The following BTRC variants were observed in gnomAD, a reference collection of about 807,000 sequenced individuals.
BTRC encodes beta-transducin repeat containing E3 ubiquitin protein ligase.
A neutral mutation model predicts 85.5 loss-of-function variants in BTRC; 42 were observed. The observed-to-expected ratio is 0.49, with a 90% CI of 0.38 to 0.64. The LOEUF (loss-of-function observed/expected upper bound fraction) is 0.64, where lower values mean the gene tolerates loss of function less well. Among genes scored for constraint, BTRC ranks in the 30% least tolerant of loss-of-function variants. BTRC has a pLI of 0.00. For missense variants in BTRC, 594 were observed against 743.5 expected (o/e 0.80, Z 2.34); for synonymous variants, 255 against 263.3 (o/e 0.97, Z 0.30).
At position 101,554,421 on chromosome 10, in the gene BTRC, G is replaced by GTTGTT. The variant is rs540534687; in HGVS notation, c.*1312_*1316dup. On this transcript the variant is annotated 3_prime_UTR_variant, in exon 15 of 15. Transcript: ENST00000370187. Reference sequence around the variant, plus strand: ...AGAAAACACTGTTTTTGTTTTTTTTGTTGTTTTGTTTTGTTTTGGCCAGTT... The same window carrying GTTGTT: ...AGAAAACACTGTTTTTGTTTTTTTTGTTGTTTTGTTTTGTTTTGTTTTGGCCAGTT... 2 of 152,288 alleles carry GTTGTT rather than the reference G, an allele frequency of 1.3e-5. No individual in the cohort carries two copies. Among genetic ancestry groups the GTTGTT allele is most frequent in the African/African-American group, 4.8e-5 (2 of 41,374 alleles). 9.4% of individuals were successfully genotyped at this position (152,288 alleles called of 1,614,324 possible).
At chr10:101,436,366 C>T (rs575088333) in intron 2 of BTRC, among the ~76,000 whole-genome samples, 4 of 151,988 alleles carry the variant, frequency 2.6e-5, no homozygotes, top group Non-Finnish European at 4.4e-5. Context: ...AGTAAGGGGC[C>T]GGGCACGGTG....
intron 4 of BTRC, among the ~76,000 whole-genome samples, chr10:101,500,672 T>C (rs1946378454): frequency 1.3e-5 from 2 of 152,324 alleles, no homozygotes; most frequent in South Asian, 4.1e-4. Flanking sequence ...CAGATCCTAG[T>C]GTCAGCCATG....
intron 2 of BTRC, among the ~76,000 whole-genome samples, chr10:101,432,514 G>A (rs1398217476): frequency 6.6e-6 from 1 of 152,012 alleles, no homozygotes; most frequent in African/African-American, 2.4e-5. Flanking sequence ...TTTTTGTTTT[G>A]TTTTGTTTTT....
Position 101,553,243 on chromosome 10 carries a change from G to A in BTRC, c.*120G>A, listed in dbSNP as rs2062679332. 1 of 152,660 alleles carries A rather than the reference G, an allele frequency of 6.6e-6. No homozygotes were observed. The highest frequency in any genetic ancestry group is 2.4e-5 in the African/African-American group (1 of 41,454). The allele number at this position is 152,660 out of a possible 1,614,324, so 9.5% of individuals were successfully genotyped here. A position where few individuals can be genotyped will look rare whatever the true frequency, so the allele number is the denominator to read the frequency against. ...ATCAAACTACTGCCCAGTTTCCCTG[G>A]ACTAGCCGAGGAGCAGGGCTTTGAG... On this transcript the variant is annotated 3_prime_UTR_variant, in exon 15 of 15. Transcript: ENST00000370187.
chr10:101,533,414 T>C lies in BTRC; in HGVS notation c.1097+344T>C, dbSNP rs74153252. The stretch of plus-strand genomic sequence containing the variant: ...GCAATGAAGCCTTCCTTTCAGGTAG[T>C]GGTAACTGTAGTGCAGGTCTGTATT... On this transcript the variant is annotated intron_variant, in intron 9 of 14. Coordinates refer to ENST00000370187, the MANE Select transcript of BTRC (RefSeq NM_033637.4). Among the ~76,000 whole-genome samples, 718 of 152,232 alleles carry C rather than the reference T, an allele frequency of 4.7e-3. 10 individuals are homozygous for C. Among genetic ancestry groups the C allele is most frequent in the African/African-American group, 0.016 (684 of 41,536 alleles).
At chr10:101,427,327 A>G (rs1341864791) in intron 1 of BTRC, among the ~76,000 whole-genome samples, 1 of 151,874 alleles carries the variant, frequency 6.6e-6, no homozygotes, top group African/African-American at 2.4e-5. Flanking sequence ...CGTGTTGGCC[A>G]GGATGGTCTT....
At chr10:101,459,780 C>T (rs1356169539) in intron 2 of BTRC, among the ~76,000 whole-genome samples, 1 of 152,076 alleles carries the variant, frequency 6.6e-6, no homozygotes, top group Non-Finnish European at 1.5e-5. Context: ...GGTTATCCAT[C>T]TAAATCTGAT....
chr10:101,400,461 A>C (rs1278595062), intron 1 of BTRC, among the ~76,000 whole-genome samples: 1 of 152,222 alleles, frequency 6.6e-6, no homozygotes, highest in Non-Finnish European at 1.5e-5. Context: ...CCTTAAGAAG[A>C]AAGCTCCAGA....
rs1462542413 is a variant in BTRC at position 101,434,475 on chromosome 10, A to G, written c.156+4023A>G. Reference sequence around the variant, plus strand: ...TAGACCTAAATCGGAGTTAACATGTATAAAACTAATAGAAAATGTGGCAAA... The same window carrying G: ...TAGACCTAAATCGGAGTTAACATGTGTAAAACTAATAGAAAATGTGGCAAA... On this transcript the variant is annotated intron_variant, in intron 2 of 14. Transcript: ENST00000370187. Among the ~76,000 whole-genome samples the G allele has an allele frequency of 7.2e-5, 11 of 152,334 alleles. No homozygotes were observed. In the East Asian group the frequency reaches 2.1e-3, roughly 29 times the overall value.
intron 4 of BTRC, among the ~76,000 whole-genome samples, chr10:101,480,200 T>A (rs992691217): frequency 1.3e-5 from 2 of 152,220 alleles, no homozygotes; most frequent in Non-Finnish European, 2.9e-5. Context: ...GATTTGCTAC[T>A]GTTACAACAT....
chr10:101,488,293 T>C (rs75204036), intron 4 of BTRC, among the ~76,000 whole-genome samples: 8,720 of 152,284 alleles, frequency 0.057, 292 homozygotes, highest in Non-Finnish European at 0.074. Flanking sequence ...TTCCTGATTC[T>C]GTTTATTAGA....
chr10:101,396,629 C>G (rs1213936804), intron 1 of BTRC, among the ~76,000 whole-genome samples: 1 of 151,986 alleles, frequency 6.6e-6, no homozygotes, highest in East Asian at 1.9e-4. Flanking sequence ...TGGACACTTT[C>G]TCATAGCTCA....
chr10:101,372,337 A>G (rs1430244294), intron 1 of BTRC, among the ~76,000 whole-genome samples: 2 of 150,686 alleles, frequency 1.3e-5, no homozygotes. Flanking sequence ...GCTCACTGCA[A>G]CATCTGCCTC....
rs188035701 is a variant in BTRC at position 101,384,782 on chromosome 10, A to G, written c.48+30554A>G. 3.2e-4 allele frequency among the ~76,000 whole-genome samples: 48 copies of G among 152,344 alleles called. 1 individual carries two copies. The highest frequency in any genetic ancestry group is 5.9e-4 in the Admixed American group (9 of 15,304). ...TTTTTCTTATTGAGAAGTAAAATAC[A>G]TTGTAGTTAAAAATTGAGACCTTTG... On this transcript the variant is annotated intron_variant, in intron 1 of 14. Coordinates refer to ENST00000370187, the MANE Select transcript of BTRC (RefSeq NM_033637.4).
At chr10:101,485,298 A>G (rs1326331470) in intron 4 of BTRC, among the ~76,000 whole-genome samples, 2 of 152,274 alleles carry the variant, frequency 1.3e-5, no homozygotes, top group Non-Finnish European at 2.9e-5. Flanking sequence ...ATTGTTAAAC[A>G]TACAAGAAAA....
intron 1 of BTRC, among the ~76,000 whole-genome samples, chr10:101,389,115 GTGTGTTTTTTTTTTTTTTTT>G (rs1943163319): frequency 5.6e-5 from 2 of 35,462 alleles, no homozygotes; most frequent in Non-Finnish European, 9.9e-5. Flanking sequence ...GATTTTTTGT[GTGTGTTTTTTTTTTTTTTTT>G]TTTTTTTTTT....
chr10:101,379,697 A>G (rs1470184348), intron 1 of BTRC, among the ~76,000 whole-genome samples: 3 of 152,126 alleles, frequency 2.0e-5, no homozygotes, highest in Non-Finnish European at 4.4e-5. Context: ...ATGGCCTGTT[A>G]CAGTCTCTGT....
chr10:101,507,137 C>G (rs1332641052), intron 4 of BTRC, among the ~76,000 whole-genome samples: 1 of 152,170 alleles, frequency 6.6e-6, no homozygotes, highest in Non-Finnish European at 1.5e-5. Context: ...TTCCCCAAGT[C>G]TGTATCACTG....
intron 4 of BTRC, among the ~76,000 whole-genome samples, chr10:101,519,825 G>A (rs1335506746): frequency 2.0e-5 from 3 of 152,014 alleles, no homozygotes; most frequent in Non-Finnish European, 2.9e-5. Flanking sequence ...GAGAAACCCC[G>A]TCTTTACTAA....
Sources: gnomAD v4.1 joint callset for allele counts (sites outside exome capture counted in the v4.1 genomes callset) on GRCh38, gnomAD v4.1.1 for gene constraint, MANE v1.5 for transcripts, NCBI Gene and HGNC (gene_info 2026-07-23, HGNC 2026-07-21) for gene names.